The following VCF1 variants were observed in gnomAD, a reference collection of about 807,000 sequenced individuals.
The protein encoded by VCF1 is protein VCF1.
the VCF1 span, among the ~76,000 whole-genome samples, chr17:73,217,923 G>A: frequency 2.0e-5 from 3 of 152,152 alleles, no homozygotes; most frequent in Non-Finnish European, 2.9e-5. Context: ...AGTGAGCTGA[G>A]ATCACGCCAC....
At chr17:73,214,486 T>C in the VCF1 span, among the ~76,000 whole-genome samples, 1 of 152,236 alleles carries the variant, frequency 6.6e-6, no homozygotes, top group Non-Finnish European at 1.5e-5. Context: ...CTTAACACTG[T>C]CAGCCACCAA....
the VCF1 span, chr17:73,208,241 C>T: frequency 1.3e-5 from 21 of 1,607,986 alleles, no homozygotes; most frequent in African/African-American, 2.7e-5. Context: ...CTCCGAGTGG[C>T]GTCGCGCGGA....
chr17:73,221,811 G>A, the VCF1 span, among the ~76,000 whole-genome samples: 2 of 151,950 alleles, frequency 1.3e-5, no homozygotes, highest in African/African-American at 2.4e-5. Flanking sequence ...CGAGGCGGGC[G>A]GATCATGAGA....
the VCF1 span, among the ~76,000 whole-genome samples, chr17:73,217,185 A>G: frequency 6.6e-6 from 1 of 151,724 alleles, no homozygotes; most frequent in Non-Finnish European, 1.5e-5. Flanking sequence ...CAAAAAACCA[A>G]AACAAAACAA....
At chr17:73,212,971 C>T in the VCF1 span, among the ~76,000 whole-genome samples, 94 of 151,752 alleles carry the variant, frequency 6.2e-4, no homozygotes, top group South Asian at 1.2e-3. Flanking sequence ...CTTGGCTGGG[C>T]GCGGTGGTTC....
chr17:73,222,823 C>T, the VCF1 span, among the ~76,000 whole-genome samples: 1,383 of 151,838 alleles, frequency 9.1e-3, 25 homozygotes, highest in African/African-American at 0.031. Flanking sequence ...GCTCTAGCTG[C>T]TCCTGGATAT....
At chr17:73,211,956 C>T in the VCF1 span, among the ~76,000 whole-genome samples, 3 of 152,006 alleles carry the variant, frequency 2.0e-5, no homozygotes, top group Admixed American at 6.6e-5. Flanking sequence ...ACTTGAACCT[C>T]GGAGGTCGAG....
chr17:73,216,263 C>T, the VCF1 span, among the ~76,000 whole-genome samples: 1 of 152,086 alleles, frequency 6.6e-6, no homozygotes, highest in Non-Finnish European at 1.5e-5. Context: ...AGAAAGAACT[C>T]CGGAAGGAGA....
chr17:73,231,083 C>T, the VCF1 span, among the ~76,000 whole-genome samples: 3 of 152,150 alleles, frequency 2.0e-5, no homozygotes, highest in Admixed American at 2.0e-4. Context: ...CTCTTCTTTT[C>T]TATACAAGGA....
At chr17:73,232,022 C>T in the VCF1 span, 1 of 1,481,866 alleles carries the variant, frequency 6.7e-7, no homozygotes, top group Non-Finnish European at 9.0e-7. Flanking sequence ...ATTTCGCGCG[C>T]CCCCTCGGCT....
At chr17:73,213,707 C>G in the VCF1 span, among the ~76,000 whole-genome samples, 8 of 152,158 alleles carry the variant, frequency 5.3e-5, no homozygotes, top group Admixed American at 4.6e-4. Context: ...TGGTGGCTCA[C>G]ACCTGTAATC....
the VCF1 span, among the ~76,000 whole-genome samples, chr17:73,224,922 CAGG>C: frequency 2.0e-5 from 3 of 150,172 alleles, no homozygotes; most frequent in Non-Finnish European, 4.4e-5. Flanking sequence ...CAGGACAGGA[CAGG>C]ACAGGACAGC....
chr17:73,213,181 T>C, the VCF1 span, among the ~76,000 whole-genome samples: 1,163 of 151,612 alleles, frequency 7.7e-3, 14 homozygotes, highest in African/African-American at 0.026. Flanking sequence ...GAGGCGGAGG[T>C]TGCAGTGAGC....
At chr17:73,225,899 A>ATTTTTTTT in the VCF1 span, among the ~76,000 whole-genome samples, 2 of 114,862 alleles carry the variant, frequency 1.7e-5, no homozygotes, top group African/African-American at 7.7e-5. Flanking sequence ...ATATATATAT[A>ATTTTTTTT]TTTTTTTTTT....
At chr17:73,211,133 A>T in the VCF1 span, among the ~76,000 whole-genome samples, 1 of 152,198 alleles carries the variant, frequency 6.6e-6, no homozygotes, top group Non-Finnish European at 1.5e-5. Context: ...ATGTCTGCTT[A>T]CAACTAGGTA....
the VCF1 span, among the ~76,000 whole-genome samples, chr17:73,216,258 G>C: frequency 5.3e-5 from 8 of 152,184 alleles, no homozygotes; most frequent in Non-Finnish European, 1.2e-4. Context: ...AGGACAGAAA[G>C]AACTCCGGAA....
chr17:73,214,316 TAAA>T, the VCF1 span, among the ~76,000 whole-genome samples: 50 of 143,656 alleles, frequency 3.5e-4, no homozygotes, highest in Admixed American at 5.5e-4. Context: ...CAACCAGCAT[TAAA>T]AAAAAAAAAA....
the VCF1 span, chr17:73,212,879 A>T: frequency 2.0e-6 from 1 of 505,786 alleles, no homozygotes; most frequent in Non-Finnish European, 3.5e-6. Flanking sequence ...AGATTAGGGA[A>T]GATTTCTGTA....
At chr17:73,212,196 T>A in the VCF1 span, among the ~76,000 whole-genome samples, 7 of 152,368 alleles carry the variant, frequency 4.6e-5, 1 homozygote, top group African/African-American at 1.7e-4. Flanking sequence ...TTTACAGATA[T>A]ATATTTTAAA....
Sources: gnomAD v4.1 joint callset for allele counts (sites outside exome capture counted in the v4.1 genomes callset) on GRCh38, gnomAD v4.1.1 for gene constraint, MANE v1.5 for transcripts, NCBI Gene and HGNC (gene_info 2026-07-23, HGNC 2026-07-21) for gene names.